Variants in COL6A6 observed in about 807,000 individuals in gnomAD.
The protein encoded by COL6A6 is collagen alpha-6(VI) chain.
A neutral mutation model predicts 208.6 loss-of-function variants in COL6A6; 183 were observed. The observed-to-expected ratio is 0.88, with a 90% CI of 0.78 to 0.99. COL6A6 has a LOEUF of 0.99. Ranked by LOEUF, COL6A6 falls within the 50% of genes least tolerant of loss-of-function variation. COL6A6 has a pLI of 0.00. For missense variants in COL6A6, 2,816 were observed against 2,815.2 expected (o/e 1.00, Z -0.01); for synonymous variants, 973 against 1,011.8 (o/e 0.96, Z 0.73).
intron 1 of COL6A6, among the ~76,000 whole-genome samples, chr3:130,525,527 A>G (rs557249858): frequency 6.6e-5 from 10 of 152,148 alleles, no homozygotes; most frequent in Non-Finnish European, 1.5e-4. Flanking sequence ...GCAGAAATGG[A>G]TCTCACAAAT....
chr3:130,613,611 C>T (rs2064424707), intron 23 of COL6A6, among the ~76,000 whole-genome samples: 1 of 152,140 alleles, frequency 6.6e-6, no homozygotes, highest in Non-Finnish European at 1.5e-5. Context: ...GGCAGCATGG[C>T]CATTTTAACA....
rs1215911925 is a variant in COL6A6, at chr3:130,563,450, G to A, written c.447G>A (p.Glu149=). ...ASSESEDNVE[E]ASKALRKDGV... ...CTGAGTCTGAGGATAATGTGGAAGA[G>A]GCATCAAAGGCCCTGCGGAAAGACG... Residue 149 remains glutamate (E), a synonymous_variant, in exon 3 of 37, where the codon GAG becomes GAA. Transcript: ENST00000358511. 1.2e-6 allele frequency: 2 copies of A among 1,614,008 alleles called. No homozygotes were observed. The highest frequency in any genetic ancestry group is 1.7e-6 in the Non-Finnish European group (2 of 1,179,898).
intron 5 of COL6A6, among the ~76,000 whole-genome samples, chr3:130,567,785 C>T (rs779398240): frequency 1.3e-5 from 2 of 152,170 alleles, no homozygotes; most frequent in South Asian, 2.1e-4. Context: ...TATCCTACAA[C>T]ACACAGACTT....
At chr3:130,562,187 C>T (rs1003767135) in intron 2 of COL6A6, among the ~76,000 whole-genome samples, 1 of 152,160 alleles carries the variant, frequency 6.6e-6, no homozygotes, top group Non-Finnish European at 1.5e-5. Context: ...TACTAAACAA[C>T]AGTTAGTGTT....
intron 10 of COL6A6, 35 bp downstream of exon 10, chr3:130,582,103 ATTAAC>A: frequency 9.3e-6 from 12 of 1,290,966 alleles, no homozygotes; most frequent in East Asian, 4.9e-5. Flanking sequence ...GGGAGTGCTT[ATTAAC>A]TTTATAATCT....
chr3:130,636,847 CCTCCCCCCCTCCCCTTCCTT>C (rs2065142945), intron 28 of COL6A6, among the ~76,000 whole-genome samples: 1 of 5,994 alleles, frequency 1.7e-4, no homozygotes, highest in African/African-American at 2.2e-3. Flanking sequence ...TCCCCTTCCT[CCTCCCCCCCTCCCCTTCCTT>C]CCCTTCCCCT....
rs148245693 is a variant in COL6A6, at chr3:130,634,476, C to T, written c.4993-114C>T. The T allele has an allele frequency of 4.8e-3, 4,075 of 850,074 alleles. 121 individuals are homozygous for T. In the Admixed American group the frequency reaches 0.063, roughly 13 times the overall value. 52.7% of individuals were successfully genotyped at this position (850,074 alleles called of 1,614,324 possible). On this transcript the variant is annotated intron_variant, in intron 26 of 36. Transcript: ENST00000358511. ...CTTCCAGATTTCAATTGTTTTGGCCCTTCCTTAATTCAGAGGTACCAAAAC... is the reference window on the plus strand; with the variant it reads ...CTTCCAGATTTCAATTGTTTTGGCCTTTCCTTAATTCAGAGGTACCAAAAC...
intron 23 of COL6A6, among the ~76,000 whole-genome samples, chr3:130,613,195 G>T (rs2064412499): frequency 6.6e-6 from 1 of 152,238 alleles, no homozygotes; most frequent in South Asian, 2.1e-4. Context: ...TTTGTATATG[G>T]TATAAGGAAG....
At chr3:130,620,678 A>G (rs557703113) in intron 23 of COL6A6, among the ~76,000 whole-genome samples, 9 of 152,240 alleles carry the variant, frequency 5.9e-5, no homozygotes, top group Non-Finnish European at 1.2e-4. Flanking sequence ...TTGTTCAACA[A>G]TCCTTCCTAT....
chr3:130,547,567 C>T (rs1328463922), intron 1 of COL6A6, among the ~76,000 whole-genome samples: 6 of 152,214 alleles, frequency 3.9e-5, no homozygotes, highest in Non-Finnish European at 7.3e-5. Context: ...ATGCCGAGGC[C>T]GAGGAGGGGC....
chr3:130,529,572 T>G (rs1479131813), intron 1 of COL6A6, among the ~76,000 whole-genome samples: 1 of 152,192 alleles, frequency 6.6e-6, no homozygotes, highest in Non-Finnish European at 1.5e-5. Flanking sequence ...CATGCTGATC[T>G]CCCTGCCTTG....
At chr3:130,659,238 T>C (rs1508519) in intron 34 of COL6A6, among the ~76,000 whole-genome samples, 32,688 of 152,132 alleles carry the variant, frequency 0.21, 3,721 homozygotes, top group South Asian at 0.37. Flanking sequence ...AAAAAAGGCT[T>C]CATAGACTCC....
chr3:130,531,056 A>AGTCTCTCTCTCTCT (rs1294781159), intron 1 of COL6A6, among the ~76,000 whole-genome samples: 373 of 27,958 alleles, frequency 0.013, 3 homozygotes, highest in African/African-American at 0.026. Context: ...ACACACACAC[A>AGTCTCTCTCTCTCT]CACAGTCTCT....
intron 1 of COL6A6, among the ~76,000 whole-genome samples, chr3:130,548,463 A>T (rs1403139211): frequency 6.6e-6 from 1 of 152,170 alleles, no homozygotes; most frequent in African/African-American, 2.4e-5. Context: ...GCAAATCTAA[A>T]GGGGGTTGGA....
chr3:130,599,809 C>T lies in COL6A6; in HGVS notation c.4652C>T (p.Thr1551Ile). ...PPGTPGSRRK[T>I]AAHGRRGHTG... is the part of the protein sequence containing the mutation. ...GGGACACCAGGCTCCAGAAGAAAGA[C>T]AGTAAGAGCCCTTCTAGACAAGGAG... The change falls in exon 20 of 37, where the codon ACA (threonine) becomes ATA (isoleucine). Residue 1551 changes from threonine to isoleucine, a missense_variant and splice_region_variant. Physicochemically the swap from Thr to Ile is moderately conservative, Grantham distance 89. Transcript: ENST00000358511. The T allele has an allele frequency of 6.2e-7, 1 of 1,613,656 alleles. No homozygotes were observed. The highest frequency in any genetic ancestry group is 1.1e-5 in the South Asian group (1 of 91,050).
chr3:130,661,491 C>A, intron 34 of COL6A6, 146 bp from the exon 35 acceptor site: 1 of 651,230 alleles, frequency 1.5e-6, no homozygotes, highest in Non-Finnish European at 2.5e-6. Flanking sequence ...AAACCATGTA[C>A]TAGGAAATCT....
intron 23 of COL6A6, among the ~76,000 whole-genome samples, chr3:130,620,587 GA>G (rs1228707979): frequency 6.6e-6 from 1 of 152,132 alleles, no homozygotes; most frequent in African/African-American, 2.4e-5. Flanking sequence ...TGACAATATT[GA>G]GAATTTTCTT....
intron 35 of COL6A6, among the ~76,000 whole-genome samples, chr3:130,664,091 C>G (rs1208414224): frequency 6.6e-6 from 1 of 152,166 alleles, no homozygotes; most frequent in Non-Finnish European, 1.5e-5. Context: ...TCTGGTCTAG[C>G]TCCCTCGCTT....
rs200391208 is a variant in COL6A6, at chr3:130,567,115, C to A, written c.1696C>A (p.Arg566=). ...AAACAGACTGAGAGAAGAGCACATC[C>A]GAGTTTATGCTATCGGGATCAAGGA... ...PANRLREEHI[R]VYAIGIKEAN... The change falls in exon 5 of 37, where the codon CGA becomes AGA. Residue 566 remains arginine, a synonymous_variant. Coordinates refer to ENST00000358511, the MANE Select transcript of COL6A6 (RefSeq NM_001102608.3). 1.2e-6 allele frequency: 2 copies of A among 1,613,942 alleles called. No individual in the cohort carries two copies. Among genetic ancestry groups the A allele is most frequent in the South Asian group, 1.1e-5 (1 of 91,072 alleles).
Sources: allele counts gnomAD v4.1 joint callset (sites outside exome capture counted in the v4.1 genomes callset), GRCh38; gene constraint gnomAD v4.1.1; transcripts MANE v1.5; gene names NCBI Gene and HGNC (gene_info 2026-07-23, HGNC 2026-07-21).